Variants in IGSF21 observed in about 807,000 individuals in gnomAD.
IGSF21 encodes the protein immunoglobulin superfamily member 21.
Under a neutral mutation model 46.8 loss-of-function variants are expected in IGSF21, and 28 were observed. The observed-to-expected ratio is 0.60, with a 90% CI of 0.44 to 0.82. The LOEUF is 0.82. IGSF21 is among the 40% of genes least tolerant of loss of function. The pLI is 0.00. For missense variants in IGSF21, 624 were observed against 665.5 expected, an observed-to-expected ratio of 0.94 and a Z score of 0.69; for synonymous variants, 284 against 273.6, an observed-to-expected ratio of 1.04 and a Z score of -0.38.
chr1:18,338,040 C>T (rs1321144129), intron 4 of IGSF21, among the ~76,000 whole-genome samples: 1 of 152,082 alleles, frequency 6.6e-6, no homozygotes, highest in Non-Finnish European at 1.5e-5. Context: ...ACCCATCGAC[C>T]ACATGGGCCT....
At chr1:18,246,007 A>G (rs1432896304) in intron 2 of IGSF21, among the ~76,000 whole-genome samples, 2 of 152,216 alleles carry the variant, frequency 1.3e-5, no homozygotes, top group Non-Finnish European at 2.9e-5. Flanking sequence ...AGGTGAAGAT[A>G]GATGCCCTTA....
chr1:18,169,774 G>A (rs2086718110), intron 1 of IGSF21, among the ~76,000 whole-genome samples: 1 of 152,166 alleles, frequency 6.6e-6, no homozygotes, highest in African/African-American at 2.4e-5. Context: ...GTGCGGGGAA[G>A]GACTGTCCTT....
At chr1:18,312,425 A>G (rs186017121) in intron 3 of IGSF21, among the ~76,000 whole-genome samples, 29 of 152,312 alleles carry the variant, frequency 1.9e-4, no homozygotes, top group African/African-American at 6.5e-4. Flanking sequence ...TAGTGGCTTA[A>G]AATAACACAA....
intron 1 of IGSF21, among the ~76,000 whole-genome samples, chr1:18,188,956 AG>A (rs907023158): frequency 6.6e-6 from 1 of 152,186 alleles, no homozygotes; most frequent in Non-Finnish European, 1.5e-5. Context: ...CTGCTGCTGC[AG>A]GGGTGAGGAG....
At chr1:18,182,173 C>CT (rs35016415) in intron 1 of IGSF21, among the ~76,000 whole-genome samples, 64,490 of 108,914 alleles carry the variant, frequency 0.59, 19,867 homozygotes, top group South Asian at 0.72. Flanking sequence ...TGAAAGGTGT[C>CT]TTTTTTTTTT....
rs769086261 is a variant in IGSF21, at chr1:18,365,566, G to A, written c.884G>A (p.Ser295Asn). 63 of 1,614,064 alleles carry A rather than the reference G, an allele frequency of 3.9e-5. No homozygotes were observed. Among genetic ancestry groups the A allele is most frequent in the Non-Finnish European group, 5.2e-5 (61 of 1,180,056 alleles). ...YFLRHSRTPS[S>N]DGTVEVRALL... Reference sequence around the variant, plus strand: ...CTGCGCCACAGCCGCACCCCGAGCAGTGACGGCACTGTGGAAGTACGTGCC... The same window carrying A: ...CTGCGCCACAGCCGCACCCCGAGCAATGACGGCACTGTGGAAGTACGTGCC... The change falls in exon 6 of 10, where the codon AGT (serine) becomes AAT (asparagine). Residue 295 changes from serine to asparagine, a missense_variant. By Grantham distance (46) the Ser-to-Asn change is conservative. Transcript: ENST00000251296. This position sits in a 1 kb window ranked among gnomAD's most constrained non-coding sequence, Gnocchi z 4.8.
chr1:18,118,992 G>C (rs1468352390), intron 1 of IGSF21, among the ~76,000 whole-genome samples: 2 of 139,134 alleles, frequency 1.4e-5, no homozygotes, highest in African/African-American at 5.3e-5. Flanking sequence ...CAGCTAAATA[G>C]AAGCTAAGAC....
intron 2 of IGSF21, chr1:18,278,990 T>C: frequency 2.2e-6 from 1 of 457,138 alleles, no homozygotes. Context: ...GCTATAGAAC[T>C]AAGCTAGGGC....
At chr1:18,331,107 T>G (rs1168488561) in intron 3 of IGSF21, among the ~76,000 whole-genome samples, 2 of 152,248 alleles carry the variant, frequency 1.3e-5, no homozygotes, top group Non-Finnish European at 2.9e-5. Flanking sequence ...TTTTATATTC[T>G]CCATTTTATT....
chr1:18,215,086 C>T (rs1445978728), intron 1 of IGSF21, among the ~76,000 whole-genome samples: 2 of 152,174 alleles, frequency 1.3e-5, no homozygotes, highest in East Asian at 3.9e-4. Context: ...CTCACTCACT[C>T]ACAAGAACAG....
chr1:18,177,505 A>T (rs2086814048), intron 1 of IGSF21, among the ~76,000 whole-genome samples: 1 of 150,442 alleles, frequency 6.6e-6, no homozygotes. Flanking sequence ...AACACAGGCC[A>T]TTATCCAGTC....
chr1:18,212,965 C>A (rs1286617397), intron 1 of IGSF21, among the ~76,000 whole-genome samples: 1 of 152,240 alleles, frequency 6.6e-6, no homozygotes, highest in Non-Finnish European at 1.5e-5. Flanking sequence ...GTAGAAAGGT[C>A]ATAGGACTGT....
At chr1:18,344,105 C>T (rs2085869697) in intron 4 of IGSF21, among the ~76,000 whole-genome samples, 1 of 152,158 alleles carries the variant, frequency 6.6e-6, no homozygotes, top group Non-Finnish European at 1.5e-5. Context: ...GAACGTGATT[C>T]TCTGGAATCC....
At chr1:18,213,268 T>C (rs2084410599) in intron 1 of IGSF21, among the ~76,000 whole-genome samples, 2 of 152,220 alleles carry the variant, frequency 1.3e-5, no homozygotes, top group Admixed American at 1.3e-4. Flanking sequence ...TCCCACTGTA[T>C]GCAATGCATT....
rs532545054 is a variant in IGSF21 at position 18,212,806 on chromosome 1, G to C, written c.71-15092G>C. Among the ~76,000 whole-genome samples, 6 of 152,330 alleles carry C rather than the reference G, an allele frequency of 3.9e-5. No individual in the cohort carries two copies. In the South Asian group the frequency reaches 1.2e-3, roughly 32 times the overall value. On this transcript the variant is annotated intron_variant, in intron 1 of 9. Transcript: ENST00000251296. ...TTGGTCTCAGCCCTCCTCCCTGTCAGCAGTTTCAGCTGTTCCTTGGATGCA... is the reference window on the plus strand; with the variant it reads ...TTGGTCTCAGCCCTCCTCCCTGTCACCAGTTTCAGCTGTTCCTTGGATGCA...
At chr1:18,133,351 C>T (rs534176584) in intron 1 of IGSF21, among the ~76,000 whole-genome samples, 52 of 152,178 alleles carry the variant, frequency 3.4e-4, no homozygotes, top group Non-Finnish European at 6.2e-4. Flanking sequence ...TCCAATTTGG[C>T]GGAAGACAGT....
intron 1 of IGSF21, among the ~76,000 whole-genome samples, chr1:18,135,624 G>T (rs1226900158): frequency 3.3e-5 from 5 of 152,116 alleles, no homozygotes. Context: ...GTATTCCATG[G>T]TGTATATGTG....
chr1:18,308,762 G>A (rs1308423187), intron 3 of IGSF21, among the ~76,000 whole-genome samples: 1 of 152,174 alleles, frequency 6.6e-6, no homozygotes, highest in Non-Finnish European at 1.5e-5. Flanking sequence ...AGTGTGGTGG[G>A]AAGGCAGGAG....
intron 6 of IGSF21, among the ~76,000 whole-genome samples, chr1:18,369,332 T>G (rs940794226): frequency 6.6e-6 from 1 of 152,232 alleles, no homozygotes; most frequent in African/African-American, 2.4e-5. Flanking sequence ...CTCTGCAAGA[T>G]GCTTTCCTCA....
Sources: gnomAD v4.1 joint callset for allele counts (sites outside exome capture counted in the v4.1 genomes callset) on GRCh38, gnomAD v4.1.1 for gene constraint, Gnocchi (gnomAD v3.1) non-coding constraint, MANE v1.5 for transcripts, NCBI Gene and HGNC (gene_info 2026-07-23, HGNC 2026-07-21) for gene names.